FAS: variants seen among roughly 807,000 people sequenced by gnomAD.
The protein encoded by FAS is tumor necrosis factor receptor superfamily member 6.
In FAS, 5 loss-of-function variants were observed where a neutral mutation model predicts 33.2. The ratio of observed to expected loss-of-function variants is 0.15; its 90% CI spans 0.08 to 0.32. The LOEUF (loss-of-function observed/expected upper bound fraction) is 0.32, where lower values mean the gene tolerates loss of function less well. FAS is among the 10% of genes least tolerant of loss of function. FAS has a pLI of 1.00. For synonymous variants in FAS, 131 were observed against 130.7 expected (o/e 1.00, Z -0.01); for missense variants, 339 against 386.0 (o/e 0.88, Z 1.02).
chr10:88,989,720 C>A (rs1458692437), upstream of FAS: 1 of 379,198 alleles, frequency 2.6e-6, no homozygotes, highest in Non-Finnish European at 5.2e-6. Flanking sequence ...GTGGGCTAAG[C>A]AAAGGGTTAT....
In FAS at chr10:89,015,283, C is replaced by G; in HGVS notation, c.*833C>G. 1.9e-6 allele frequency: 1 copy of G among 534,734 alleles called. No homozygotes were observed. Among genetic ancestry groups the G allele is most frequent in the South Asian group, 1.5e-5 (1 of 65,170 alleles). 33.1% of individuals were successfully genotyped at this position (534,734 alleles called of 1,614,324 possible). Reference sequence around the variant, plus strand: ...ATATCACCAAAAAATACTTAATAGTCCACCAAAAGGCAAGACTGCCCTTAG... The same window carrying G: ...ATATCACCAAAAAATACTTAATAGTGCACCAAAAGGCAAGACTGCCCTTAG... On this transcript the variant is annotated 3_prime_UTR_variant, in exon 9 of 9. Coordinates refer to ENST00000652046, the MANE Select transcript of FAS (RefSeq NM_000043.6).
intron 1 of FAS, chr10:88,991,346 G>C (rs45465101): frequency 6.3e-6 from 2 of 315,864 alleles, no homozygotes; most frequent in South Asian, 6.6e-5. Context: ...GGTCCGCTCC[G>C]GCGCGGGTGG....
upstream of FAS, chr10:88,990,527 C>G: frequency 3.3e-6 from 2 of 609,204 alleles, no homozygotes; most frequent in East Asian, 3.3e-5. This position sits in a 1 kb window ranked among gnomAD's most constrained non-coding sequence, Gnocchi z 4.9. Flanking sequence ...GACTTCTCCC[C>G]CTCCCTACCC....
intron 1 of FAS, chr10:89,002,607 T>C: frequency 4.7e-6 from 1 of 214,344 alleles, no homozygotes. Flanking sequence ...ATTGGGCATG[T>C]ATTTGTTATG....
At chr10:89,005,509 CAT>C (rs9658746) in intron 2 of FAS, among the ~76,000 whole-genome samples, 2,603 of 151,148 alleles carry the variant, frequency 0.017, 27 homozygotes, top group Non-Finnish European at 0.026. Context: ...ACACATTGTA[CAT>C]ATATATATAT....
At chr10:89,004,748 A>T (rs1225817961) in intron 2 of FAS, among the ~76,000 whole-genome samples, 1 of 152,144 alleles carries the variant, frequency 6.6e-6, no homozygotes, top group African/African-American at 2.4e-5. Flanking sequence ...AACCTTCTTA[A>T]GTAATTTCCA....
intron 7 of FAS, chr10:89,012,536 T>C (rs191670664): frequency 7.7e-4 from 125 of 161,508 alleles, no homozygotes; most frequent in South Asian, 1.5e-3. Flanking sequence ...TAAAGGGGCC[T>C]CACAGATGAA....
intron 1 of FAS, among the ~76,000 whole-genome samples, chr10:89,002,003 G>C (rs913070994): frequency 6.6e-6 from 1 of 152,162 alleles, no homozygotes; most frequent in Non-Finnish European, 1.5e-5. Flanking sequence ...CCGCCAGCAA[G>C]AGCCCTGGCT....
At chr10:89,000,582 T>C (rs955871361) in intron 1 of FAS, among the ~76,000 whole-genome samples, 1 of 152,210 alleles carries the variant, frequency 6.6e-6, no homozygotes, top group Non-Finnish European at 1.5e-5. Context: ...TTTTTTTTTC[T>C]TGAAATGTCC....
intron 2 of FAS, among the ~76,000 whole-genome samples, chr10:88,976,552 C>G (rs1385063606): frequency 6.6e-6 from 1 of 152,098 alleles, no homozygotes; most frequent in Non-Finnish European, 1.5e-5. Flanking sequence ...TTTTGTAGTT[C>G]TATAGCAAAA....
upstream of FAS, among the ~76,000 whole-genome samples, chr10:88,985,601 T>A (rs1846856665): frequency 6.6e-6 from 1 of 152,194 alleles, no homozygotes; most frequent in Non-Finnish European, 1.5e-5. Context: ...AGCTGTCCCC[T>A]CAGCCTTTTC....
intron 8 of FAS, 93 bp downstream of exon 8, chr10:89,013,460 A>T: frequency 8.5e-7 from 1 of 1,171,656 alleles, no homozygotes; most frequent in East Asian, 2.4e-5. Flanking sequence ...TTTCAGTGAC[A>T]TATTATGGGA....
chr10:88,973,723 A>G (rs1264000082), intron 2 of FAS: 1 of 155,100 alleles, frequency 6.4e-6, no homozygotes, highest in Non-Finnish European at 1.4e-5. Flanking sequence ...TTCCAAAAAA[A>G]TCATCTAGCA....
At chr10:89,005,399 T>C (rs1401616866) in intron 2 of FAS, among the ~76,000 whole-genome samples, 2 of 152,244 alleles carry the variant, frequency 1.3e-5, no homozygotes, top group African/African-American at 4.8e-5. Context: ...ATTTCCTATG[T>C]AAATTGACAT....
Position 89,014,688 on chromosome 10 carries a change from C to T in FAS, c.*238C>T, listed in dbSNP as rs1180274569. The T allele has an allele frequency of 1.5e-5, 10 of 661,146 alleles. No homozygotes were observed. The Admixed American group carries it at 2.0e-4, about 14-fold the overall frequency. The allele number at this position is 661,146 out of a possible 1,614,324, so 41.0% of individuals were successfully genotyped here. Reference sequence around the variant, plus strand: ...GTAAATGCAGTGGCATGCTAAGTACCCAAATAGGAGTGTATGCAGAGGATG... The same window carrying T: ...GTAAATGCAGTGGCATGCTAAGTACTCAAATAGGAGTGTATGCAGAGGATG... On this transcript the variant is annotated 3_prime_UTR_variant, in exon 9 of 9. Coordinates refer to ENST00000652046, the MANE Select transcript of FAS (RefSeq NM_000043.6).
At chr10:88,977,091 A>T (rs1367850140) in intron 2 of FAS, among the ~76,000 whole-genome samples, 1 of 152,058 alleles carries the variant, frequency 6.6e-6, no homozygotes, top group African/African-American at 2.4e-5. Context: ...AATTTAAGAT[A>T]ATTTTCTCCC....
intron 8 of FAS, 113 bp from the exon 9 acceptor site, chr10:89,014,006 C>A: frequency 8.9e-7 from 1 of 1,117,644 alleles, no homozygotes; most frequent in Non-Finnish European, 1.3e-6. Context: ...CTTCATAGAC[C>A]TTTAGGACTT....
rs769295662 is a variant in FAS at position 89,010,807 on chromosome 10, T to C, written c.560T>C (p.Ile187Thr). 4 of 1,614,036 alleles carry C rather than the reference T, an allele frequency of 2.5e-6. No individual in the cohort carries two copies. Among genetic ancestry groups the C allele is most frequent in the Middle Eastern group, 3.3e-4 (2 of 6,060 alleles). The part of the protein sequence containing the change: ...LCLLLLPIPL[I>T]VWVKRKEVQK... The stretch of plus-strand genomic sequence containing the variant: ...CTTCTTCTTTTGCCAATTCCACTAA[T>C]TGTTTGGGGTAAGTTCTTGCTTTGT... The change falls in exon 6 of 9, where the codon ATT becomes ACT. Residue 187 changes from isoleucine (I) to threonine (T), a missense_variant. Ile to Thr is a moderately conservative substitution (Grantham distance 89). Transcript: ENST00000652046.
chr10:88,973,035 A>G, intron 1 of FAS: 3 of 889,966 alleles, frequency 3.4e-6, no homozygotes, highest in Non-Finnish European at 4.9e-6. Context: ...TAGAGTTTGT[A>G]GTTGTTTTAT....
Sources: allele counts gnomAD v4.1 joint callset (sites outside exome capture counted in the v4.1 genomes callset), GRCh38; gene constraint gnomAD v4.1.1; non-coding constraint Gnocchi (gnomAD v3.1); transcripts MANE v1.5; gene names NCBI Gene and HGNC (gene_info 2026-07-23, HGNC 2026-07-21).